The following SLC25A13 variants were observed in gnomAD, a reference collection of about 807,000 sequenced individuals.
The protein encoded by SLC25A13 is solute carrier family 25 member 13.
A neutral mutation model predicts 85.5 loss-of-function variants in SLC25A13; 70 were observed. The ratio of observed to expected loss-of-function variants is 0.82; its 90% CI spans 0.68 to 1.00. The LOEUF (loss-of-function observed/expected upper bound fraction) is 1.00, where lower values mean the gene tolerates loss of function less well. Among genes scored for constraint, SLC25A13 ranks in the 50% least tolerant of loss-of-function variants. SLC25A13 has a pLI of 0.00. For synonymous variants in SLC25A13, 259 were observed against 288.7 expected (o/e 0.90, Z 1.04); for missense variants, 765 against 819.8 (o/e 0.93, Z 0.82).
intron 4 of SLC25A13, among the ~76,000 whole-genome samples, chr7:96,222,069 C>T (rs938531357): frequency 1.3e-5 from 2 of 152,134 alleles, no homozygotes; most frequent in Admixed American, 1.3e-4. Context: ...TTATTTTTTC[C>T]GCAGGACTTC....
chr7:96,200,548 C>T lies in SLC25A13; in HGVS notation c.469-7365G>A, dbSNP rs116765008. On this transcript the variant is annotated intron_variant, in intron 5 of 17. Coordinates refer to ENST00000265631, the MANE Select transcript of SLC25A13 (RefSeq NM_014251.3). Reference sequence around the variant, plus strand: ...TTTGTTCTATGTGTACCTCCCCCCACCCCCCATTTGGCCATGCAGTCAGTG... The same window carrying T: ...TTTGTTCTATGTGTACCTCCCCCCATCCCCCATTTGGCCATGCAGTCAGTG... 6.5e-3 allele frequency among the ~76,000 whole-genome samples: 987 copies of T among 151,374 alleles called. 10 individuals are homozygous for T. Among genetic ancestry groups the T allele is most frequent in the African/African-American group, 0.023 (927 of 41,178 alleles).
chr7:96,277,232 T>C lies in SLC25A13; in HGVS notation c.176A>G (p.Glu59Gly), dbSNP rs762486181. The C allele has an allele frequency of 6.2e-7, 1 of 1,607,416 alleles. No homozygotes were observed. Among genetic ancestry groups the C allele is most frequent in the South Asian group, 1.1e-5 (1 of 90,186 alleles). Residue 59 changes from glutamate to glycine, a missense_variant, in exon 3 of 18, where the codon GAA becomes GGA. By Grantham distance (98) the Glu-to-Gly change is moderately conservative. Coordinates refer to ENST00000265631, the MANE Select transcript of SLC25A13 (RefSeq NM_014251.3). The part of the protein sequence containing the change: ...GESQPNPKTV[E>G]LLSGVVDQTK... ...CTGATCCACCACTCCACTTAAAAGT[T>C]CCACAGTCTTTGGATTAGGCTGGCT...
chr7:96,229,216 G>C (rs1454536871), intron 4 of SLC25A13, among the ~76,000 whole-genome samples: 1 of 152,218 alleles, frequency 6.6e-6, no homozygotes, highest in Admixed American at 6.5e-5. Flanking sequence ...CTAGCAGGAG[G>C]ATTGTATATG....
intron 1 of SLC25A13, among the ~76,000 whole-genome samples, chr7:96,304,391 GT>G (rs1799664176): frequency 6.6e-6 from 1 of 152,200 alleles, no homozygotes; most frequent in African/African-American, 2.4e-5. Context: ...TCAGTAGGTT[GT>G]GATGTATGTT....
chr7:96,232,879 C>T (rs1796605742), intron 4 of SLC25A13, among the ~76,000 whole-genome samples: 1 of 152,126 alleles, frequency 6.6e-6, no homozygotes, highest in Non-Finnish European at 1.5e-5. Flanking sequence ...GAAACAAAAT[C>T]CTTATGCAAC....
At chr7:96,192,370 C>T (rs977320266) in intron 6 of SLC25A13, among the ~76,000 whole-genome samples, 6 of 152,296 alleles carry the variant, frequency 3.9e-5, no homozygotes, top group African/African-American at 1.2e-4. Context: ...AAGACCTCAT[C>T]GCCTATAGAT....
At chr7:96,217,770 G>T (rs1795949845) in intron 4 of SLC25A13, among the ~76,000 whole-genome samples, 1 of 152,074 alleles carries the variant, frequency 6.6e-6, no homozygotes, top group Admixed American at 6.6e-5. Context: ...GTGGTACGAG[G>T]TTTCTTGTTG....
At chr7:96,252,923 G>A (rs774987509) in intron 3 of SLC25A13, among the ~76,000 whole-genome samples, 10 of 152,078 alleles carry the variant, frequency 6.6e-5, no homozygotes, top group Non-Finnish European at 1.5e-4. Flanking sequence ...GTGAAACCCT[G>A]TCTCTACTAA....
intron 3 of SLC25A13, among the ~76,000 whole-genome samples, chr7:96,274,909 T>C (rs1562895148): frequency 6.6e-6 from 1 of 152,226 alleles, no homozygotes; most frequent in African/African-American, 2.4e-5. Flanking sequence ...TTGGTTACTG[T>C]AGCCTTGTAG....
In SLC25A13 at chr7:96,120,875, C is replaced by G. The variant is rs1218518204; in HGVS notation, c.*316G>C. On this transcript the variant is annotated 3_prime_UTR_variant, in exon 18 of 18. Transcript: ENST00000265631. ...CCTCTTTGGGACTACAATCCTAGTT[C>G]AAGGAGGGGAGTACTAATTTCTATT... is the stretch of plus-strand genomic sequence containing the variant. 6.1e-6 allele frequency: 3 copies of G among 494,230 alleles called. No individual in the cohort carries two copies. The highest frequency in any genetic ancestry group is 7.9e-6 in the Non-Finnish European group (2 of 253,730). The allele number at this position is 494,230 out of a possible 1,614,324, so 30.6% of individuals were successfully genotyped here.
intron 3 of SLC25A13, among the ~76,000 whole-genome samples, chr7:96,258,963 G>T (rs1379873176): frequency 2.6e-5 from 4 of 152,140 alleles, no homozygotes; most frequent in African/African-American, 9.7e-5. Context: ...AAGAAACGGG[G>T]AAAGGATTCT....
intron 15 of SLC25A13, among the ~76,000 whole-genome samples, chr7:96,131,256 C>T (rs1562782062): frequency 6.6e-6 from 1 of 152,154 alleles, no homozygotes; most frequent in African/African-American, 2.4e-5. Context: ...ACCACCATCC[C>T]CCCGTAACAC....
intron 1 of SLC25A13, among the ~76,000 whole-genome samples, chr7:96,310,464 A>G (rs533736092): frequency 3.3e-5 from 5 of 152,346 alleles, no homozygotes; most frequent in African/African-American, 1.2e-4. Context: ...AGTCGGTAAC[A>G]TAATGCTAGT....
chr7:96,274,352 G>A (rs143480571), intron 3 of SLC25A13, among the ~76,000 whole-genome samples: 2,773 of 152,170 alleles, frequency 0.018, 40 homozygotes, highest in Non-Finnish European at 0.025. Context: ...TGTTGATGGC[G>A]CTGTTTGTTT....
chr7:96,272,611 T>C (rs1798287180), intron 3 of SLC25A13, among the ~76,000 whole-genome samples: 1 of 152,306 alleles, frequency 6.6e-6, no homozygotes, highest in South Asian at 2.1e-4. Context: ...AAGGAGCACC[T>C]GAAAGCTGAG....
chr7:96,207,638 A>G (rs1004228895), intron 5 of SLC25A13, among the ~76,000 whole-genome samples: 1 of 152,226 alleles, frequency 6.6e-6, no homozygotes, highest in Non-Finnish European at 1.5e-5. Context: ...AAACATCTAT[A>G]TAGCCTATAG....
At chr7:96,184,217 T>C in intron 11 of SLC25A13, 60 bp downstream of exon 11, 1 of 1,595,956 alleles carries the variant, frequency 6.3e-7, no homozygotes, top group Non-Finnish European at 8.6e-7. Flanking sequence ...GGCACTAAGA[T>C]GAGAAACCAA....
chr7:96,282,155 A>G (rs1214103677), intron 2 of SLC25A13, among the ~76,000 whole-genome samples: 1 of 152,178 alleles, frequency 6.6e-6, no homozygotes, highest in Non-Finnish European at 1.5e-5. Context: ...AAATGGGAAG[A>G]GTTTTAGGAT....
intron 4 of SLC25A13, among the ~76,000 whole-genome samples, chr7:96,221,305 C>T (rs1171916494): frequency 2.6e-5 from 4 of 152,090 alleles, no homozygotes; most frequent in Admixed American, 1.3e-4. Flanking sequence ...TGTTCTTATT[C>T]GAAATTCTTA....
Sources: allele counts gnomAD v4.1 joint callset (sites outside exome capture counted in the v4.1 genomes callset), GRCh38; gene constraint gnomAD v4.1.1; transcripts MANE v1.5; gene names NCBI Gene and HGNC (gene_info 2026-07-23, HGNC 2026-07-21).